The following NPAS3 variants were observed in gnomAD, a reference collection of about 807,000 sequenced individuals.
NPAS3 encodes neuronal PAS domain protein 3, also known as neuronal PAS domain-containing protein 3.
A neutral mutation model predicts 73.1 loss-of-function variants in NPAS3; 14 were observed. The ratio of observed to expected loss-of-function variants is 0.19; its 90% confidence interval spans 0.13 to 0.30. The LOEUF (loss-of-function observed/expected upper bound fraction) is 0.30. Among genes scored for constraint, NPAS3 ranks in the 10% least tolerant of loss-of-function variants. The probability of loss-of-function intolerance (pLI) is 1.00; values close to 1 mark genes in which losing one functional copy is unlikely to be tolerated. For synonymous variants in NPAS3, 620 were observed against 541.5 expected (o/e 1.14, Z -2.01); for missense variants, 1,096 against 1,250.0 (o/e 0.88, Z 1.86).
chr14:33,032,887 C>T (rs1031727569), intron 1 of NPAS3, among the ~76,000 whole-genome samples: 2 of 152,148 alleles, frequency 1.3e-5, no homozygotes, highest in South Asian at 4.1e-4. Context: ...ATCTTGTGAG[C>T]TTGTATTATA....
intron 3 of NPAS3, among the ~76,000 whole-genome samples, chr14:33,287,884 A>G (rs1009450370): frequency 8.5e-5 from 13 of 152,266 alleles, no homozygotes; most frequent in Middle Eastern, 3.4e-3. Context: ...CTGGCATATT[A>G]TGTTCTATTA....
intron 3 of NPAS3, among the ~76,000 whole-genome samples, chr14:33,254,917 T>G (rs2048720812): frequency 6.6e-6 from 1 of 152,016 alleles, no homozygotes. Flanking sequence ...ATGGACTATG[T>G]CAGGAGATGC....
chr14:33,676,441 T>C (rs2059769717), intron 6 of NPAS3, 56 bp downstream of exon 6: 2 of 1,443,088 alleles, frequency 1.4e-6, no homozygotes, highest in African/African-American at 1.4e-5. Flanking sequence ...GCCAAATGAG[T>C]GTGCTCAAGT....
chr14:33,049,628 T>C (rs2040632334), intron 1 of NPAS3, among the ~76,000 whole-genome samples: 2 of 152,164 alleles, frequency 1.3e-5, no homozygotes, highest in Admixed American at 1.3e-4. Context: ...ACTGGGTCCC[T>C]CCCACAACAC....
At chr14:33,108,993 A>C (rs1357425454) in intron 2 of NPAS3, among the ~76,000 whole-genome samples, 1 of 152,166 alleles carries the variant, frequency 6.6e-6, no homozygotes, top group Admixed American at 6.6e-5. Context: ...GTTTGTGAAG[A>C]AGATTTTGTT....
chr14:33,651,902 T>C (rs1434713520), intron 5 of NPAS3, among the ~76,000 whole-genome samples: 2 of 152,212 alleles, frequency 1.3e-5, no homozygotes, highest in East Asian at 1.9e-4. Context: ...ATTAATAACA[T>C]TAACAACATG....
intron 4 of NPAS3, among the ~76,000 whole-genome samples, chr14:33,537,609 G>A (rs1009116543): frequency 2.6e-5 from 4 of 152,190 alleles, no homozygotes; most frequent in African/African-American, 4.8e-5. Context: ...GAGAGCCATC[G>A]TGAGTGGTGA....
intron 5 of NPAS3, among the ~76,000 whole-genome samples, chr14:33,633,322 C>G (rs191400257): frequency 5.1e-4 from 78 of 152,284 alleles, no homozygotes; most frequent in African/African-American, 1.8e-3. Context: ...CCACCTGTAT[C>G]TATCATTGAA....
At chr14:33,719,987 A>G (rs1251553141) in intron 6 of NPAS3, among the ~76,000 whole-genome samples, 1 of 152,218 alleles carries the variant, frequency 6.6e-6, no homozygotes, top group Non-Finnish European at 1.5e-5. Flanking sequence ...GTCTAAAAAA[A>G]AGAAAAGCTA....
intron 4 of NPAS3, among the ~76,000 whole-genome samples, chr14:33,405,041 C>A (rs1403470258): frequency 6.6e-6 from 1 of 151,972 alleles, no homozygotes; most frequent in Non-Finnish European, 1.5e-5. Context: ...TTGTATCTAC[C>A]CAAGTCCTTG....
intron 3 of NPAS3, among the ~76,000 whole-genome samples, chr14:33,309,803 T>G (rs2042924183): frequency 6.6e-6 from 1 of 152,196 alleles, no homozygotes; most frequent in Non-Finnish European, 1.5e-5. Context: ...AATTATTTTC[T>G]GTAAGTCTGC....
chr14:33,749,361 A>G (rs2061893649), intron 7 of NPAS3, among the ~76,000 whole-genome samples: 1 of 152,134 alleles, frequency 6.6e-6, no homozygotes, highest in Non-Finnish European at 1.5e-5. Context: ...GTTGTCTGAA[A>G]TGGGTGTACG....
intron 6 of NPAS3, among the ~76,000 whole-genome samples, chr14:33,727,595 T>C (rs918211151): frequency 6.6e-6 from 1 of 150,802 alleles, no homozygotes; most frequent in East Asian, 1.9e-4. Flanking sequence ...TTGTCTGACA[T>C]GATGTTTGTC....
chr14:33,560,923 T>C (rs2055615874), intron 5 of NPAS3, among the ~76,000 whole-genome samples: 1 of 152,180 alleles, frequency 6.6e-6, no homozygotes. Context: ...AATGCCAAAA[T>C]ATCCTGAAGC....
chr14:33,326,249 GA>G (rs1358742947), intron 3 of NPAS3, among the ~76,000 whole-genome samples: 1 of 152,058 alleles, frequency 6.6e-6, no homozygotes, highest in African/African-American at 2.4e-5. Context: ...TAGTGAAAGG[GA>G]AAAAAGCAGA....
intron 5 of NPAS3, among the ~76,000 whole-genome samples, chr14:33,643,105 A>G (rs1489244866): frequency 6.6e-6 from 1 of 152,134 alleles, no homozygotes; most frequent in Non-Finnish European, 1.5e-5. Context: ...TTTTCAATGC[A>G]GCCCTCGTGA....
chr14:33,523,050 A>G (rs966121198), intron 4 of NPAS3, among the ~76,000 whole-genome samples: 1 of 152,034 alleles, frequency 6.6e-6, no homozygotes, highest in Non-Finnish European at 1.5e-5. Flanking sequence ...TGAGCCACAC[A>G]CTCTTCTCAG....
At chr14:33,064,501 G>A (rs890156811) in intron 2 of NPAS3, among the ~76,000 whole-genome samples, 1 of 152,124 alleles carries the variant, frequency 6.6e-6, no homozygotes, top group Non-Finnish European at 1.5e-5. Flanking sequence ...GCAGGCTTTG[G>A]TGGGCCTTCA....
chr14:33,250,865 T>G (rs1225173535), intron 3 of NPAS3, among the ~76,000 whole-genome samples: 1 of 152,150 alleles, frequency 6.6e-6, no homozygotes, highest in East Asian at 1.9e-4. Context: ...ATAAATACCA[T>G]GGATAATATC....
Sources: allele counts gnomAD v4.1 joint callset (sites outside exome capture counted in the v4.1 genomes callset), GRCh38; gene constraint gnomAD v4.1.1; transcripts MANE v1.5; gene names NCBI Gene and HGNC (gene_info 2026-07-23, HGNC 2026-07-21).